The following NNT variants were observed in gnomAD, a reference collection of about 807,000 sequenced individuals.
The protein encoded by NNT is NAD(P) transhydrogenase, mitochondrial.
A neutral mutation model predicts 104.8 loss-of-function variants in NNT; 50 were observed. That is an observed-to-expected ratio of 0.48 (90% CI 0.38 to 0.60). NNT has a LOEUF of 0.60. Among genes scored for constraint, NNT ranks in the 20% least tolerant of loss-of-function variants. NNT has a pLI of 0.00. For synonymous variants in NNT, 461 were observed against 490.4 expected, an observed-to-expected ratio of 0.94 and a Z score of 0.79; for missense variants, 1,131 against 1,330.7, an observed-to-expected ratio of 0.85 and a Z score of 2.33.
chr5:43,675,599 C>A lies in NNT; in HGVS notation c.2723C>A (p.Thr908Lys). ...AGGKPMEISG[T>K]HTEINLDNAI... ...GGAAAACCCATGGAAATTTCTGGCA[C>A]ACATACGGAAATCAACCTTGACAAT... The change falls in exon 18 of 22, where the codon ACA (threonine) becomes AAA (lysine). Residue 908 changes from threonine to lysine, a missense_variant. Physicochemically the swap from Thr to Lys is moderately conservative, Grantham distance 78. Transcript: ENST00000344920. The A allele has an allele frequency of 6.2e-7, 1 of 1,613,066 alleles. No homozygotes were observed. Among genetic ancestry groups the A allele is most frequent in the Non-Finnish European group, 8.5e-7 (1 of 1,179,650 alleles).
At chr5:43,689,004 C>T (rs1742125153) in intron 19 of NNT, among the ~76,000 whole-genome samples, 1 of 152,210 alleles carries the variant, frequency 6.6e-6, no homozygotes, top group South Asian at 2.1e-4. Context: ...AGTTTACATT[C>T]CCACCAGCTG....
rs1202983967 is a variant in NNT, at chr5:43,705,470, T to C, written c.*1066T>C. ...ACCTCTTTGTTCATTTAAGCACCAG[T>C]AAAGATCATGTCTTTTTATAGAAGT... On this transcript the variant is annotated 3_prime_UTR_variant, in exon 22 of 22. Coordinates refer to ENST00000344920, the MANE Select transcript of NNT (RefSeq NM_182977.3). The C allele has an allele frequency of 1.3e-5, 2 of 152,132 alleles. No individual in the cohort carries two copies. The highest frequency in any genetic ancestry group is 1.9e-4 in the East Asian group (1 of 5,202). The allele number at this position is 152,132 out of a possible 1,614,324, so 9.4% of individuals were successfully genotyped here. A position where few individuals can be genotyped will look rare whatever the true frequency, so the allele number is the denominator to read the frequency against.
At position 43,704,687 on chromosome 5, in the gene NNT, T is replaced by C. The variant is rs1293496408; in HGVS notation, c.*283T>C. ...GGAGAAAGAACAGCCTCATTTTAGA[T>C]GTAGTCCTGTTGGATTTTTTATGCC... is the stretch of plus-strand genomic sequence containing the variant. On this transcript the variant is annotated 3_prime_UTR_variant, in exon 22 of 22. Transcript: ENST00000344920. The C allele has an allele frequency of 3.3e-6, 1 of 300,398 alleles. No homozygotes were observed. The highest frequency in any genetic ancestry group is 6.2e-6 in the Non-Finnish European group (1 of 161,238). The allele number at this position is 300,398 out of a possible 1,614,324, so 18.6% of individuals were successfully genotyped here.
At chr5:43,612,240 TGAG>T (rs1749539079) in intron 2 of NNT, among the ~76,000 whole-genome samples, 1 of 152,212 alleles carries the variant, frequency 6.6e-6, no homozygotes, top group Non-Finnish European at 1.5e-5. Flanking sequence ...CCCAGTGGGT[TGAG>T]TAGTCACTGG....
In NNT at chr5:43,702,593, A is replaced by G. The variant is rs774129182; in HGVS notation, c.2996-28A>G. ...GTAAAAGTGACCATTTGAGTTTTATATTCTTTCTTTTTTGTTTTATTATAT... is the reference window on the plus strand; with the variant it reads ...GTAAAAGTGACCATTTGAGTTTTATGTTCTTTCTTTTTTGTTTTATTATAT... On this transcript the variant is annotated intron_variant, in intron 20 of 21. Transcript: ENST00000344920. The G allele has an allele frequency of 3.4e-5, 48 of 1,408,478 alleles. No homozygotes were observed. The South Asian group carries it at 4.1e-4, about 12-fold the overall frequency. The allele number at this position is 1,408,478 out of a possible 1,614,324, so 87.2% of individuals were successfully genotyped here. A position where few individuals can be genotyped will look rare whatever the true frequency, so the allele number is the denominator to read the frequency against.
intron 20 of NNT, among the ~76,000 whole-genome samples, chr5:43,701,284 T>C (rs34132518): frequency 0.075 from 11,413 of 152,164 alleles, 599 homozygotes; most frequent in East Asian, 0.2. Flanking sequence ...GTATTTATGT[T>C]CCTGAGTACC....
chr5:43,603,833 TTGTGAG>T (rs1749062741), intron 1 of NNT, among the ~76,000 whole-genome samples: 2 of 151,552 alleles, frequency 1.3e-5, no homozygotes. Context: ...CGAGCACAAA[TTGTGAG>T]TGTGAGTTGG....
intron 13 of NNT, among the ~76,000 whole-genome samples, chr5:43,652,779 T>G (rs1739831845): frequency 6.6e-6 from 1 of 152,216 alleles, no homozygotes; most frequent in Non-Finnish European, 1.5e-5. Context: ...TTACAGCATT[T>G]GGTCAGGTTT....
In NNT at chr5:43,668,654, C is replaced by G. The variant is rs189806849; in HGVS notation, c.2635-6857C>G. Among the ~76,000 whole-genome samples the G allele has an allele frequency of 1.4e-3, 217 of 152,238 alleles. 1 individual carries two copies. The highest frequency in any genetic ancestry group is 5.1e-3 in the African/African-American group (210 of 41,542). ...ATTGGTCTATATCTCTGTTTTGGTA[C>G]CAGTACCATGCTGTTTTGGTTACTG... On this transcript the variant is annotated intron_variant, in intron 17 of 21. Coordinates refer to ENST00000344920, the MANE Select transcript of NNT (RefSeq NM_182977.3).
rs1211773377 is a variant in NNT at position 43,705,897 on chromosome 5, A to G, written c.*1493A>G. On this transcript the variant is annotated 3_prime_UTR_variant, in exon 22 of 22. Coordinates refer to ENST00000344920, the MANE Select transcript of NNT (RefSeq NM_182977.3). ...AGTAAACTCAGGGCTGAATTATACCATGTATATTCTATTAGAAGAAAGTAA... is the reference window on the plus strand; with the variant it reads ...AGTAAACTCAGGGCTGAATTATACCGTGTATATTCTATTAGAAGAAAGTAA... The G allele has an allele frequency of 6.6e-6, 1 of 152,086 alleles. No individual in the cohort carries two copies. The highest frequency in any genetic ancestry group is 1.5e-5 in the Non-Finnish European group (1 of 67,968). 9.4% of individuals were successfully genotyped at this position (152,086 alleles called of 1,614,324 possible). A position where few individuals can be genotyped will look rare whatever the true frequency, so the allele number is the denominator to read the frequency against.
intron 10 of NNT, among the ~76,000 whole-genome samples, chr5:43,646,410 C>G (rs764132836): frequency 5.9e-5 from 9 of 151,832 alleles, no homozygotes; most frequent in Non-Finnish European, 8.8e-5. Flanking sequence ...TCACTTCAGC[C>G]TCCTGAGTAG....
chr5:43,700,997 C>G (rs949494891), intron 20 of NNT, among the ~76,000 whole-genome samples: 6 of 152,268 alleles, frequency 3.9e-5, no homozygotes, highest in Admixed American at 6.5e-5. Context: ...TTTTCAGATT[C>G]CACTGTTGTT....
At chr5:43,623,931 A>G in intron 5 of NNT, 101 bp from the exon 6 acceptor site, 3 of 1,079,320 alleles carry the variant, frequency 2.8e-6, no homozygotes. Context: ...ACCGCCATTT[A>G]TTGATGCTAA....
intron 18 of NNT, among the ~76,000 whole-genome samples, chr5:43,677,445 A>T (rs1741478349): frequency 6.6e-6 from 1 of 151,918 alleles, no homozygotes; most frequent in Admixed American, 6.6e-5. Context: ...AGAGAAAGAG[A>T]CAAGAGAGGG....
intron 4 of NNT, among the ~76,000 whole-genome samples, chr5:43,616,434 A>G (rs1031827165): frequency 1.3e-5 from 2 of 152,186 alleles, no homozygotes; most frequent in Non-Finnish European, 2.9e-5. Context: ...AATAGTGACA[A>G]TTTCATGTGG....
intron 17 of NNT, among the ~76,000 whole-genome samples, chr5:43,668,795 A>G (rs1417779891): frequency 3.3e-5 from 5 of 152,304 alleles, no homozygotes; most frequent in Admixed American, 6.5e-5. Flanking sequence ...ACTTTAAAGT[A>G]GTTTTTTCCA....
intron 18 of NNT, among the ~76,000 whole-genome samples, chr5:43,677,408 G>C (rs1321539702): frequency 6.6e-6 from 1 of 151,562 alleles, no homozygotes; most frequent in Non-Finnish European, 1.5e-5. Context: ...ATGAGAGAGA[G>C]AGAGAGAGAG....
chr5:43,641,771 G>C (rs941249501), intron 7 of NNT, among the ~76,000 whole-genome samples: 6 of 152,134 alleles, frequency 3.9e-5, no homozygotes, highest in African/African-American at 1.4e-4. Flanking sequence ...CTATGTGAAA[G>C]AATATGCTAT....
chr5:43,678,164 C>T (rs193172020), intron 19 of NNT, among the ~76,000 whole-genome samples: 8 of 152,232 alleles, frequency 5.3e-5, no homozygotes, highest in South Asian at 4.1e-4. Flanking sequence ...CTTGTCTTTA[C>T]GTTGAGTGAG....
Sources: allele counts gnomAD v4.1 joint callset (sites outside exome capture counted in the v4.1 genomes callset), GRCh38; gene constraint gnomAD v4.1.1; transcripts MANE v1.5; gene names NCBI Gene and HGNC (gene_info 2026-07-23, HGNC 2026-07-21).